Variants in CHST8 observed in about 807,000 individuals in gnomAD.
CHST8 encodes GALNAC-4-ST1.
Under a neutral mutation model 15.0 loss-of-function variants are expected in CHST8, and 10 were observed. The ratio of observed to expected loss-of-function variants is 0.67; its 90% confidence interval spans 0.41 to 1.13. The LOEUF (loss-of-function observed/expected upper bound fraction) is 1.13, where lower values mean the gene tolerates loss of function less well. Ranked by LOEUF, CHST8 falls within the 50% of genes most tolerant of loss-of-function variation. The pLI is 0.00. For missense variants in CHST8, 634 were observed against 608.2 expected, an observed-to-expected ratio of 1.04 and a Z score of -0.45; for synonymous variants, 259 against 256.6, an observed-to-expected ratio of 1.01 and a Z score of -0.09.
chr19:33,734,100 G>A (rs1204761085), intron 3 of CHST8, among the ~76,000 whole-genome samples: 8 of 152,224 alleles, frequency 5.3e-5, no homozygotes, highest in Non-Finnish European at 7.3e-5. Context: ...GTTGGCACAA[G>A]ATACAGGTAA....
chr19:33,628,910 C>T (rs1274344985), intron 1 of CHST8, among the ~76,000 whole-genome samples: 1 of 152,196 alleles, frequency 6.6e-6, no homozygotes, highest in Admixed American at 6.5e-5. Flanking sequence ...TGCTAAGCAC[C>T]TGTCCACTCT....
intron 3 of CHST8, among the ~76,000 whole-genome samples, chr19:33,716,384 T>C (rs1187601524): frequency 1.3e-5 from 2 of 152,214 alleles, no homozygotes; most frequent in Admixed American, 1.3e-4. Flanking sequence ...GTTTTGTTTT[T>C]GAGACAGGGT....
At chr19:33,642,952 C>T (rs943344967) in intron 1 of CHST8, among the ~76,000 whole-genome samples, 14 of 152,228 alleles carry the variant, frequency 9.2e-5, no homozygotes, top group African/African-American at 9.6e-5. Context: ...GACACCTACA[C>T]GGCATCCCTT....
intron 2 of CHST8, among the ~76,000 whole-genome samples, chr19:33,669,168 C>T (rs1972702096): frequency 6.6e-6 from 1 of 152,186 alleles, no homozygotes; most frequent in Non-Finnish European, 1.5e-5. Flanking sequence ...CGCATTCCTG[C>T]TTCTTGGAGC....
At chr19:33,694,216 ATATAAT>A (rs1973163379) in intron 3 of CHST8, among the ~76,000 whole-genome samples, 5 of 79,490 alleles carry the variant, frequency 6.3e-5, no homozygotes, top group African/African-American at 2.9e-4. Context: ...ATATATATAT[ATATAAT>A]GTTACCATAC....
intron 3 of CHST8, among the ~76,000 whole-genome samples, chr19:33,692,368 G>C (rs1227185351): frequency 6.6e-6 from 1 of 152,114 alleles, no homozygotes; most frequent in Admixed American, 6.5e-5. Flanking sequence ...TCTTCTCCAA[G>C]AGAAAGACTT....
chr19:33,703,036 A>T (rs1393129389), intron 3 of CHST8, among the ~76,000 whole-genome samples: 1 of 152,130 alleles, frequency 6.6e-6, no homozygotes, highest in East Asian at 1.9e-4. Flanking sequence ...GAGCATCTTC[A>T]GTGAGAGTCA....
intron 1 of CHST8, among the ~76,000 whole-genome samples, chr19:33,643,465 A>G (rs1972309654): frequency 6.6e-6 from 1 of 152,208 alleles, no homozygotes; most frequent in Non-Finnish European, 1.5e-5. Context: ...TGACTCTTCT[A>G]GCCATTTCCC....
chr19:33,737,028 A>G (rs1974100476), intron 3 of CHST8, among the ~76,000 whole-genome samples: 1 of 152,168 alleles, frequency 6.6e-6, no homozygotes, highest in Non-Finnish European at 1.5e-5. Context: ...CACCAGCACC[A>G]TGACAGTTTA....
At chr19:33,642,589 C>T (rs1972298500) in intron 1 of CHST8, among the ~76,000 whole-genome samples, 1 of 152,188 alleles carries the variant, frequency 6.6e-6, no homozygotes, top group African/African-American at 2.4e-5. Flanking sequence ...TCTTGAACTC[C>T]TGACCTCAAG....
intron 2 of CHST8, among the ~76,000 whole-genome samples, chr19:33,688,092 G>A (rs1490505077): frequency 2.0e-5 from 3 of 152,228 alleles, no homozygotes; most frequent in East Asian, 3.9e-4. Context: ...AGGGGACAGA[G>A]TGACTGACCT....
At chr19:33,625,871 T>A (rs1972046418) in intron 1 of CHST8, among the ~76,000 whole-genome samples, 1 of 152,142 alleles carries the variant, frequency 6.6e-6, no homozygotes, top group South Asian at 2.1e-4. Context: ...AAATAAATTT[T>A]TTTTTTTAAA....
At chr19:33,706,410 C>T (rs1375578324) in intron 3 of CHST8, among the ~76,000 whole-genome samples, 1 of 152,188 alleles carries the variant, frequency 6.6e-6, no homozygotes, top group South Asian at 2.1e-4. Context: ...TGTGTGCTCA[C>T]CTCAGTATTA....
At chr19:33,633,355 A>G (rs1972148233) in intron 1 of CHST8, among the ~76,000 whole-genome samples, 2 of 152,080 alleles carry the variant, frequency 1.3e-5, no homozygotes, top group African/African-American at 4.8e-5. Context: ...CAGTATTGCT[A>G]TGGATATTCT....
intron 3 of CHST8, among the ~76,000 whole-genome samples, chr19:33,742,264 G>A (rs905323897): frequency 3.9e-5 from 6 of 152,142 alleles, no homozygotes; most frequent in South Asian, 2.1e-4. Flanking sequence ...GTATTAGTTT[G>A]CATTGTGTTT....
chr19:33,650,427 T>C lies in CHST8; in HGVS notation c.-163-17340T>C, dbSNP rs186587684. On this transcript the variant is annotated intron_variant, in intron 1 of 4. Transcript: ENST00000650847. The stretch of plus-strand genomic sequence containing the variant: ...CCATAAATTAATTGAGTTGTTAAAT[T>C]TTTTAAATTATCAAGTTGGAAGGAT... Among the ~76,000 whole-genome samples the C allele has an allele frequency of 2.0e-5, 3 of 152,030 alleles. No homozygotes were observed. The East Asian group carries it at 5.8e-4, about 29-fold the overall frequency.
chr19:33,672,980 G>A (rs945738720), intron 2 of CHST8, among the ~76,000 whole-genome samples: 1 of 152,198 alleles, frequency 6.6e-6, no homozygotes, highest in Non-Finnish European at 1.5e-5. Context: ...ACCACTCCCT[G>A]TGACCCCATG....
chr19:33,684,669 C>T (rs1972943274), intron 2 of CHST8: 2 of 152,150 alleles, frequency 1.3e-5, no homozygotes, highest in African/African-American at 4.8e-5. Context: ...AAGAACTAGT[C>T]TGACAAAACA....
At chr19:33,673,189 A>T (rs1972764953) in intron 2 of CHST8, among the ~76,000 whole-genome samples, 1 of 152,170 alleles carries the variant, frequency 6.6e-6, no homozygotes, top group Non-Finnish European at 1.5e-5. Context: ...CGTGCCCGCC[A>T]AGCAGCTTCC....
Sources: allele counts gnomAD v4.1 joint callset (sites outside exome capture counted in the v4.1 genomes callset), GRCh38; gene constraint gnomAD v4.1.1; transcripts MANE v1.5; gene names NCBI Gene and HGNC (gene_info 2026-07-23, HGNC 2026-07-21).